FOXN3: variants seen among roughly 807,000 people sequenced by gnomAD.
FOXN3 encodes the protein forkhead box N3, also known as forkhead box protein N3.
In FOXN3, 7 loss-of-function variants were observed where a neutral mutation model predicts 38.4. The observed-to-expected ratio is 0.18, with a 90% CI of 0.10 to 0.34. The LOEUF is 0.34. Among genes scored for constraint, FOXN3 ranks in the 10% least tolerant of loss-of-function variants. The pLI, the probability that FOXN3 is intolerant of heterozygous loss-of-function variation, is 1.00. For synonymous variants in FOXN3, 230 were observed against 242.2 expected (o/e 0.95, Z 0.47); for missense variants, 456 against 613.4 (o/e 0.74, Z 2.71).
At chr14:89,565,735 G>A (rs1445369843) in intron 1 of FOXN3, among the ~76,000 whole-genome samples, 7 of 152,204 alleles carry the variant, frequency 4.6e-5, no homozygotes, top group Admixed American at 4.6e-4. Context: ...AGGAGAAAGT[G>A]GAAAGAAAGA....
At chr14:89,284,296 T>C (rs1332278254) in intron 3 of FOXN3, 2 of 358,332 alleles carry the variant, frequency 5.6e-6, no homozygotes, top group Admixed American at 7.0e-5. Context: ...TGGTGTGAGG[T>C]ACCATGCCCG....
intron 1 of FOXN3, among the ~76,000 whole-genome samples, chr14:89,515,069 G>A (rs1596304643): frequency 6.6e-6 from 1 of 151,882 alleles, no homozygotes; most frequent in African/African-American, 2.4e-5. Flanking sequence ...ACAAGCGCCC[G>A]CCACCACGTC....
chr14:89,405,994 C>G (rs914647109), intron 2 of FOXN3, among the ~76,000 whole-genome samples: 7 of 152,108 alleles, frequency 4.6e-5, no homozygotes, highest in African/African-American at 1.7e-4. Context: ...AGCAAGACCC[C>G]ACCTTTACTA....
At chr14:89,226,496 G>A (rs565116347) in intron 4 of FOXN3, among the ~76,000 whole-genome samples, 3 of 152,154 alleles carry the variant, frequency 2.0e-5, no homozygotes, top group East Asian at 1.9e-4. Flanking sequence ...GGCTGGTCTC[G>A]AACTCCTGGC....
At chr14:89,506,009 G>A (rs1893918919) in intron 1 of FOXN3, among the ~76,000 whole-genome samples, 2 of 148,676 alleles carry the variant, frequency 1.3e-5, no homozygotes, top group South Asian at 4.3e-4. Flanking sequence ...CAGCCACCCC[G>A]TCCGGGAGGG....
chr14:89,561,205 A>G (rs184841), intron 1 of FOXN3, among the ~76,000 whole-genome samples: 61,544 of 152,154 alleles, frequency 0.4, 15,773 homozygotes, highest in African/African-American at 0.73. Flanking sequence ...TATTTTGTTC[A>G]TTCATTTGTT....
chr14:89,584,018 C>T (rs930433113), intron 1 of FOXN3, among the ~76,000 whole-genome samples: 1 of 148,520 alleles, frequency 6.7e-6, no homozygotes, highest in Non-Finnish European at 1.5e-5. Flanking sequence ...CACCACCACA[C>T]CCAGCTAATT....
intron 1 of FOXN3, among the ~76,000 whole-genome samples, chr14:89,590,742 G>A (rs945471228): frequency 6.6e-5 from 10 of 151,986 alleles, no homozygotes; most frequent in Admixed American, 5.2e-4. Flanking sequence ...CCCTCTCCCC[G>A]AGAGTCAGCC....
rs113662866 is a variant in FOXN3 at position 89,316,270 on chromosome 14, C to T, written c.680+34402G>A. Among the ~76,000 whole-genome samples, 710 of 152,238 alleles carry T rather than the reference C, an allele frequency of 4.7e-3. 7 individuals are homozygous for T. Among genetic ancestry groups the T allele is most frequent in the Non-Finnish European group, 6.5e-3 (445 of 68,012 alleles). On this transcript the variant is annotated intron_variant, in intron 3 of 5. Transcript: ENST00000557258. ...CAGGCCCCAGCTGTCCCAGACATCC[C>T]AGCTGAGGTCCAAATATACAAGGGA... is the stretch of plus-strand genomic sequence containing the variant.
chr14:89,566,881 A>C (rs911842566), intron 1 of FOXN3, among the ~76,000 whole-genome samples: 24 of 128,070 alleles, frequency 1.9e-4, no homozygotes, highest in South Asian at 2.5e-4. Context: ...CCTCTTCCTT[A>C]CCCTCCTTCC....
intron 2 of FOXN3, among the ~76,000 whole-genome samples, chr14:89,360,747 T>TCCAGCAGCACCTCCA (rs1566966377): frequency 1.5e-5 from 1 of 67,502 alleles, no homozygotes; most frequent in African/African-American, 7.9e-5. Flanking sequence ...CAGCACCACC[T>TCCAGCAGCACCTCCA]CCACCACCAC....
intron 1 of FOXN3, among the ~76,000 whole-genome samples, chr14:89,597,166 C>T (rs1402066934): frequency 2.0e-5 from 3 of 152,160 alleles, no homozygotes; most frequent in Non-Finnish European, 4.4e-5. Flanking sequence ...GTCATATTTT[C>T]ATTGTCATTA....
At chr14:89,405,874 C>G (rs1891374704) in intron 2 of FOXN3, among the ~76,000 whole-genome samples, 1 of 152,108 alleles carries the variant, frequency 6.6e-6, no homozygotes, top group Non-Finnish European at 1.5e-5. Flanking sequence ...AGGCAAGCAC[C>G]AGGGGTAAGC....
At chr14:89,402,700 G>T (rs1891283428) in intron 2 of FOXN3, among the ~76,000 whole-genome samples, 1 of 152,186 alleles carries the variant, frequency 6.6e-6, no homozygotes, top group Non-Finnish European at 1.5e-5. Context: ...ATGGGAACAT[G>T]CTAGCTGATG....
Position 89,163,637 on chromosome 14 carries a change from C to G in FOXN3, c.852-668G>C, listed in dbSNP as rs909193681. Among the ~76,000 whole-genome samples the G allele has an allele frequency of 6.6e-6, 1 of 152,184 alleles. No individual in the cohort carries two copies. Among genetic ancestry groups the G allele is most frequent in the African/African-American group, 2.4e-5 (1 of 41,440 alleles). On this transcript the variant is annotated intron_variant, in intron 5 of 5. Transcript: ENST00000557258. This position sits in a 1 kb window ranked among gnomAD's most constrained non-coding sequence, Gnocchi z 4.3. ...AGAGAGGCAAGCCAGGGTCGCATCACAGACCAGAGGGCAATAAACTACGAC... is the reference window on the plus strand; with the variant it reads ...AGAGAGGCAAGCCAGGGTCGCATCAGAGACCAGAGGGCAATAAACTACGAC...
At chr14:89,440,087 C>A (rs550401402) in intron 1 of FOXN3, among the ~76,000 whole-genome samples, 11 of 152,110 alleles carry the variant, frequency 7.2e-5, no homozygotes, top group Non-Finnish European at 1.5e-4. Flanking sequence ...GCTATTATCC[C>A]CATATTACCT....
Position 89,164,282 on chromosome 14 carries a change from G to A in FOXN3, c.852-1313C>T, listed in dbSNP as rs1887183182. On this transcript the variant is annotated intron_variant, in intron 5 of 5. Coordinates refer to ENST00000557258, the MANE Select transcript of FOXN3 (RefSeq NM_005197.4). This position sits in a 1 kb window ranked among gnomAD's most constrained non-coding sequence, Gnocchi z 4.3. ...AAGGGGACGAAGGGTGGACGCCAGG[G>A]AATGTTTTGTGGAAGACAAGGCATC... is the stretch of plus-strand genomic sequence containing the variant. Among the ~76,000 whole-genome samples, 1 of 152,214 alleles carries A rather than the reference G, an allele frequency of 6.6e-6. No individual in the cohort carries two copies. Among genetic ancestry groups the A allele is most frequent in the African/African-American group, 2.4e-5 (1 of 41,464 alleles).
chr14:89,412,165 G>A lies in FOXN3; in HGVS notation c.312C>T (p.Pro104=), dbSNP rs1359225187. 2 of 1,612,404 alleles carry A rather than the reference G, an allele frequency of 1.2e-6. No individual in the cohort carries two copies. Among genetic ancestry groups the A allele is most frequent in the Non-Finnish European group, 1.7e-6 (2 of 1,178,900 alleles). Residue 104 remains proline (P), a synonymous_variant, in exon 2 of 6, where the codon CCC becomes CCT. Coordinates refer to ENST00000557258, the MANE Select transcript of FOXN3 (RefSeq NM_005197.4). The surrounding 1 kb of genome is among the most constrained non-coding windows in gnomAD (Gnocchi z 4.7). ...TPPSPAHSDM[P]YDARQNPNCK... is the part of the protein sequence containing the mutation. ...AGTTGGGGTTCTGCCTGGCATCGTA[G>A]GGCATGTCAGAGTGGGCAGGGGATG...
chr14:89,336,644 C>A (rs962433035), intron 3 of FOXN3, among the ~76,000 whole-genome samples: 4 of 152,150 alleles, frequency 2.6e-5, no homozygotes, highest in African/African-American at 9.7e-5. Context: ...TATACCAAGT[C>A]TGACACACAG....
Sources: gnomAD v4.1 joint callset for allele counts (sites outside exome capture counted in the v4.1 genomes callset) on GRCh38, gnomAD v4.1.1 for gene constraint, Gnocchi (gnomAD v3.1) non-coding constraint, MANE v1.5 for transcripts, NCBI Gene and HGNC (gene_info 2026-07-23, HGNC 2026-07-21) for gene names.